Variants in AGAP1 observed in about 807,000 individuals in gnomAD.
The protein encoded by AGAP1 is arf-GAP with GTPase, ANK repeat and PH domain-containing protein 1.
Under a neutral mutation model 105.3 loss-of-function variants are expected in AGAP1, and 29 were observed. The observed-to-expected ratio is 0.28, with a 90% CI of 0.21 to 0.38. The LOEUF (loss-of-function observed/expected upper bound fraction) is 0.38. AGAP1 is among the 10% of genes least tolerant of loss of function. The pLI is 1.00. For synonymous variants in AGAP1, 509 were observed against 485.9 expected (o/e 1.05, Z -0.63); for missense variants, 998 against 1,165.1 (o/e 0.86, Z 2.09).
rs1480797185 is a variant in AGAP1, at chr2:235,614,929, C to T, written c.164-94250C>T. 6.6e-6 allele frequency among the ~76,000 whole-genome samples: 1 copy of T among 152,202 alleles called. No individual in the cohort carries two copies. Among genetic ancestry groups the T allele is most frequent in the African/African-American group, 2.4e-5 (1 of 41,462 alleles). On this transcript the variant is annotated intron_variant, in intron 1 of 17. Transcript: ENST00000304032. The surrounding 1 kb of genome is among the most constrained non-coding windows in gnomAD (Gnocchi z 4.7). The stretch of plus-strand genomic sequence containing the variant: ...GATATTTTACAACAAATTTGGTTCA[C>T]TGGGGCCGACTTGAAAATAGTCAAA...
chr2:236,049,517 C>G (rs1362082360), intron 16 of AGAP1: 3 of 457,074 alleles, frequency 6.6e-6, no homozygotes, highest in East Asian at 3.6e-5. Flanking sequence ...TCTCTCCCCC[C>G]TCTTAGAAAT....
In AGAP1 at chr2:236,046,113, C is replaced by T. The variant is rs964897869; in HGVS notation, c.1892-2946C>T. 10 of 443,548 alleles carry T rather than the reference C, an allele frequency of 2.3e-5. No homozygotes were observed. The East Asian group carries it at 3.6e-4, about 16-fold the overall frequency. The allele number at this position is 443,548 out of a possible 1,614,324, so 27.5% of individuals were successfully genotyped here. On this transcript the variant is annotated intron_variant, in intron 15 of 17. Transcript: ENST00000304032. This position sits in a 1 kb window ranked among gnomAD's most constrained non-coding sequence, Gnocchi z 5.2. ...CTGCAACCCACAGCGGCATGGAGGGCGGTGGGGTGGGCATAGGAACCAAAT... is the reference window on the plus strand; with the variant it reads ...CTGCAACCCACAGCGGCATGGAGGGTGGTGGGGTGGGCATAGGAACCAAAT...
chr2:236,127,985 G>A lies in AGAP1; in HGVS notation c.*3863G>A, dbSNP rs562466465. 1,193 of 152,190 alleles carry A rather than the reference G, an allele frequency of 7.8e-3. 8 individuals carry two copies. The highest frequency in any genetic ancestry group is 0.013 in the Non-Finnish European group (904 of 68,116). The allele number at this position is 152,190 out of a possible 1,614,324, so 9.4% of individuals were successfully genotyped here. On this transcript the variant is annotated 3_prime_UTR_variant, in exon 18 of 18. Transcript: ENST00000304032. This position sits in a 1 kb window ranked among gnomAD's most constrained non-coding sequence, Gnocchi z 6.6. Reference sequence around the variant, plus strand: ...TAATAACAGAAACACTGATGGGACCGAAGCCAGTGCACACACCAGGAAACC... The same window carrying A: ...TAATAACAGAAACACTGATGGGACCAAAGCCAGTGCACACACCAGGAAACC...
In AGAP1 at chr2:236,104,124, T is replaced by C. The variant is rs1215363222; in HGVS notation, c.2115-16068T>C. Among the ~76,000 whole-genome samples the C allele has an allele frequency of 6.6e-6, 1 of 152,062 alleles. No individual in the cohort carries two copies. Among genetic ancestry groups the C allele is most frequent in the Non-Finnish European group, 1.5e-5 (1 of 68,038 alleles). ...TAGGTGGGGGGCCTTGGGCAGTGGG[T>C]CTGCCCCAGGAGCCCCGCAAGGCGG... On this transcript the variant is annotated intron_variant, in intron 16 of 17. Coordinates refer to ENST00000304032, the MANE Select transcript of AGAP1 (RefSeq NM_001037131.3). This position sits in a 1 kb window ranked among gnomAD's most constrained non-coding sequence, Gnocchi z 4.7.
rs1230689454 is a variant in AGAP1 at position 235,741,411 on chromosome 2, A to T, written c.396+363A>T. Among the ~76,000 whole-genome samples, 1 of 152,152 alleles carries T rather than the reference A, an allele frequency of 6.6e-6. No homozygotes were observed. Among genetic ancestry groups the T allele is most frequent in the Non-Finnish European group, 1.5e-5 (1 of 68,040 alleles). On this transcript the variant is annotated intron_variant, in intron 4 of 17. Transcript: ENST00000304032. The surrounding 1 kb of genome is among the most constrained non-coding windows in gnomAD (Gnocchi z 4.9). ...TTCCTTTGAGTGGTTTGATCTCTAG[A>T]GCAGTGAGAGTTAGAGAGCTTGCTG...
rs569491929 is a variant in AGAP1, at chr2:235,569,819, C to G, written c.163+74970C>G. On this transcript the variant is annotated intron_variant, in intron 1 of 17. Transcript: ENST00000304032. The surrounding 1 kb of genome is among the most constrained non-coding windows in gnomAD (Gnocchi z 5.9). ...GGCTCTCTGGAGTTCTCCCAAATCCCCATTGCCAATCAGTAGCTGAAAGTG... is the reference window on the plus strand; with the variant it reads ...GGCTCTCTGGAGTTCTCCCAAATCCGCATTGCCAATCAGTAGCTGAAAGTG... 8.7e-4 allele frequency among the ~76,000 whole-genome samples: 133 copies of G among 152,294 alleles called. 1 individual carries two copies. Among genetic ancestry groups the G allele is most frequent in the African/African-American group, 2.9e-3 (119 of 41,556 alleles).
At chr2:235,809,126 A>C (rs1263879105) in intron 9 of AGAP1, among the ~76,000 whole-genome samples, 1 of 151,988 alleles carries the variant, frequency 6.6e-6, no homozygotes, top group Non-Finnish European at 1.5e-5. Context: ...GGGAGCGCTC[A>C]CCAGCCTGGC....
rs1366439708 is a variant in AGAP1, at chr2:236,073,349, C to T, written c.2114+24068C>T. On this transcript the variant is annotated intron_variant, in intron 16 of 17. Coordinates refer to ENST00000304032, the MANE Select transcript of AGAP1 (RefSeq NM_001037131.3). The surrounding 1 kb of genome is among the most constrained non-coding windows in gnomAD (Gnocchi z 5.4). ...CACATCAGTAGGTTATTTCACACAG[C>T]ACATCTCCATTAGGACTAGCCACGT... Among the ~76,000 whole-genome samples the T allele has an allele frequency of 6.6e-6, 1 of 152,136 alleles. No homozygotes were observed. Among genetic ancestry groups the T allele is most frequent in the Non-Finnish European group, 1.5e-5 (1 of 68,030 alleles).
rs543555758 is a variant in AGAP1, at chr2:235,709,374, G to A, written c.222+137G>A. 1.0e-4 allele frequency: 102 copies of A among 1,002,912 alleles called. No individual in the cohort carries two copies. In the African/African-American group the frequency reaches 1.3e-3, roughly 13 times the overall value. The allele number at this position is 1,002,912 out of a possible 1,614,324, so 62.1% of individuals were successfully genotyped here. ...GACTCTGGGTGTGTTCCTGGGAAGG[G>A]CCAGGTATAGTTGATAGCTTGGGAC... On this transcript the variant is annotated intron_variant, in intron 2 of 17. Transcript: ENST00000304032.
rs766769796 is a variant in AGAP1 at position 236,080,877 on chromosome 2, T to C, written c.2114+31596T>C. On this transcript the variant is annotated intron_variant, in intron 16 of 17. Coordinates refer to ENST00000304032, the MANE Select transcript of AGAP1 (RefSeq NM_001037131.3). This position sits in a 1 kb window ranked among gnomAD's most constrained non-coding sequence, Gnocchi z 4.2. ...TTCTCCTATTTATATGACCCTCTTA[T>C]AAGGACCCTTGTATATTGGGCCCAC... 1.1e-4 allele frequency among the ~76,000 whole-genome samples: 17 copies of C among 152,186 alleles called. No individual in the cohort carries two copies. The highest frequency in any genetic ancestry group is 2.2e-4 in the African/African-American group (9 of 41,436).
rs1044900869 is a variant in AGAP1, at chr2:236,003,661, C to G, written c.1646-32900C>G. Among the ~76,000 whole-genome samples the G allele has an allele frequency of 6.6e-6, 1 of 152,172 alleles. No homozygotes were observed. The highest frequency in any genetic ancestry group is 2.1e-4 in the South Asian group (1 of 4,832). On this transcript the variant is annotated intron_variant, in intron 13 of 17. Coordinates refer to ENST00000304032, the MANE Select transcript of AGAP1 (RefSeq NM_001037131.3). This position sits in a 1 kb window ranked among gnomAD's most constrained non-coding sequence, Gnocchi z 4.2. ...GCCTGTTCTTTCTCTGGCTGTGCAC[C>G]TGGCAGTGCTGAGAGGAGAGCCTGG... is the stretch of plus-strand genomic sequence containing the variant.
chr2:235,915,758 T>C (rs2051847878), intron 11 of AGAP1, among the ~76,000 whole-genome samples: 1 of 152,130 alleles, frequency 6.6e-6, no homozygotes, highest in South Asian at 2.1e-4. Context: ...ATTAGATAAA[T>C]ACTGTAAAGA....
At chr2:235,572,961 G>T (rs868191528) in intron 1 of AGAP1, among the ~76,000 whole-genome samples, 1 of 150,642 alleles carries the variant, frequency 6.6e-6, no homozygotes, top group Admixed American at 6.6e-5. Context: ...CAGACTCCCC[G>T]ATTGCTCCAT....
Position 236,131,045 on chromosome 2 carries a change from G to C in AGAP1, c.*6923G>C, listed in dbSNP as rs556433131. 2.6e-5 allele frequency: 4 copies of C among 152,342 alleles called. No individual in the cohort carries two copies. In the East Asian group the frequency reaches 5.8e-4, roughly 22 times the overall value. The allele number at this position is 152,342 out of a possible 1,614,324, so 9.4% of individuals were successfully genotyped here. Reference sequence around the variant, plus strand: ...GAAGCTGCTTCGTGGCGTTAAGAACGGGGGGAGAGGGACCAGCACTGTAAC... The same window carrying C: ...GAAGCTGCTTCGTGGCGTTAAGAACCGGGGGAGAGGGACCAGCACTGTAAC... On this transcript the variant is annotated 3_prime_UTR_variant, in exon 18 of 18. Coordinates refer to ENST00000304032, the MANE Select transcript of AGAP1 (RefSeq NM_001037131.3). This position sits in a 1 kb window ranked among gnomAD's most constrained non-coding sequence, Gnocchi z 5.9.
rs1037892869 is a variant in AGAP1 at position 236,055,623 on chromosome 2, G to T, written c.2114+6342G>T. The stretch of plus-strand genomic sequence containing the variant: ...CTCCCAGTTTCCCCGTCCAGGCAGG[G>T]ACTGTGCCCTGCTCAAGCCACGACA... On this transcript the variant is annotated intron_variant, in intron 16 of 17. Transcript: ENST00000304032. This position sits in a 1 kb window ranked among gnomAD's most constrained non-coding sequence, Gnocchi z 6.2. Among the ~76,000 whole-genome samples, 1 of 152,268 alleles carries T rather than the reference G, an allele frequency of 6.6e-6. No individual in the cohort carries two copies. The highest frequency in any genetic ancestry group is 2.4e-5 in the African/African-American group (1 of 41,474).
At chr2:235,730,121 C>T (rs151047295) in intron 3 of AGAP1, among the ~76,000 whole-genome samples, 11 of 152,180 alleles carry the variant, frequency 7.2e-5, no homozygotes, top group Admixed American at 3.9e-4. Context: ...CTCATAAGCC[C>T]GTACTTTTAC....
intron 16 of AGAP1, among the ~76,000 whole-genome samples, chr2:236,081,343 C>T (rs1286763201): frequency 6.6e-6 from 1 of 152,114 alleles, no homozygotes; most frequent in African/African-American, 2.4e-5. Flanking sequence ...CATACTGACC[C>T]CCCAGGTTGT....
chr2:236,117,948 A>C (rs1162180571), intron 16 of AGAP1, among the ~76,000 whole-genome samples: 1 of 152,138 alleles, frequency 6.6e-6, no homozygotes, highest in Non-Finnish European at 1.5e-5. Context: ...TCTCAGCTGT[A>C]GCCAAGTGTT....
intron 9 of AGAP1, among the ~76,000 whole-genome samples, chr2:235,846,299 T>C (rs76566530): frequency 0.023 from 3,578 of 152,274 alleles, 132 homozygotes; most frequent in African/African-American, 0.082. Flanking sequence ...ATGTACATCT[T>C]CTCAGAAGAG....
Sources: gnomAD v4.1 joint callset for allele counts (sites outside exome capture counted in the v4.1 genomes callset) on GRCh38, gnomAD v4.1.1 for gene constraint, Gnocchi (gnomAD v3.1) non-coding constraint, MANE v1.5 for transcripts, NCBI Gene and HGNC (gene_info 2026-07-23, HGNC 2026-07-21) for gene names.